SYNE2: variants seen among roughly 807,000 people sequenced by gnomAD.
The protein encoded by SYNE2 is nesprin-2.
SYNE2 carries 431 observed loss-of-function variants against 856.3 expected under a neutral mutation model. The observed-to-expected ratio is 0.50, with a 90% confidence interval of 0.47 to 0.55. The LOEUF (loss-of-function observed/expected upper bound fraction) is 0.55. Ranked by LOEUF, SYNE2 falls within the 20% of genes least tolerant of loss-of-function variation. The pLI, the probability that SYNE2 is intolerant of heterozygous loss-of-function variation, is 0.00. For synonymous variants in SYNE2, 2,923 were observed against 2,872.3 expected (o/e 1.02, Z -0.56); for missense variants, 8,129 against 8,023.2 (o/e 1.01, Z -0.50).
intron 1 of SYNE2, among the ~76,000 whole-genome samples, chr14:63,859,151 A>G (rs923794578): frequency 6.6e-6 from 1 of 152,182 alleles, no homozygotes; most frequent in African/African-American, 2.4e-5. Context: ...GCTGCTAGAT[A>G]CCCTACAGTG....
At chr14:64,005,570 G>A (rs1161505703) in intron 30 of SYNE2, among the ~76,000 whole-genome samples, 1 of 152,142 alleles carries the variant, frequency 6.6e-6, no homozygotes, top group African/African-American at 2.4e-5. Flanking sequence ...CATTAACTGA[G>A]ATGAAAAAGA....
chr14:64,181,799 G>A (rs1047333559), intron 96 of SYNE2, among the ~76,000 whole-genome samples: 9 of 152,132 alleles, frequency 5.9e-5, no homozygotes, highest in Admixed American at 3.9e-4. Context: ...TTGAGGAATG[G>A]AATAATTTCC....
intron 8 of SYNE2, among the ~76,000 whole-genome samples, chr14:63,958,931 C>G (rs545974886): frequency 6.6e-6 from 1 of 152,326 alleles, no homozygotes; most frequent in Non-Finnish European, 1.5e-5. Flanking sequence ...GGAGCTCTTT[C>G]AGTTGGCTCT....
rs753226338 is a variant in SYNE2 at position 64,022,761 on chromosome 14, G to A, written c.5535G>A (p.Lys1845=). The change falls in exon 38 of 116, where the codon AAG becomes AAA. Residue 1845 remains lysine, a synonymous_variant. Coordinates refer to ENST00000555002, the MANE Select transcript of SYNE2 (RefSeq NM_182914.3). ...HFSKLLNDQC[K]NFNDWFSNIK... ...TTTTTCCCCCTGCAGATCAATGCAAGAACTTTAATGACTGGTTCAGCAACA... is the reference window on the plus strand; with the variant it reads ...TTTTTCCCCCTGCAGATCAATGCAAAAACTTTAATGACTGGTTCAGCAACA... 6.3e-7 allele frequency: 1 copy of A among 1,588,844 alleles called. No individual in the cohort carries two copies. Among genetic ancestry groups the A allele is most frequent in the Non-Finnish European group, 8.6e-7 (1 of 1,158,280 alleles).
At chr14:64,051,463 G>A in intron 47 of SYNE2, 94 bp from the exon 48 acceptor site, 1 of 1,207,040 alleles carries the variant, frequency 8.3e-7, no homozygotes, top group Non-Finnish European at 1.1e-6. Flanking sequence ...TGTGAATTTA[G>A]AGCAGAATTA....
chr14:64,185,647 A>G (rs1017135908), intron 96 of SYNE2, among the ~76,000 whole-genome samples: 26 of 150,782 alleles, frequency 1.7e-4, no homozygotes, highest in Non-Finnish European at 3.7e-4. Context: ...CAGCCTCCCA[A>G]GTAGCTAGGA....
intron 45 of SYNE2, among the ~76,000 whole-genome samples, chr14:64,033,706 G>T (rs2097060761): frequency 6.6e-6 from 1 of 151,750 alleles, no homozygotes. Flanking sequence ...AAAAAAAAAG[G>T]TTTAAAAAAT....
At chr14:64,213,241 C>T (rs1596267686) in intron 105 of SYNE2, among the ~76,000 whole-genome samples, 1 of 152,222 alleles carries the variant, frequency 6.6e-6, no homozygotes, top group African/African-American at 2.4e-5. Flanking sequence ...GCGCATGCTC[C>T]ACGAGTCGCT....
Position 63,991,092 on chromosome 14 carries a change from G to T in SYNE2, c.2623G>T (p.Gly875Cys). The T allele has an allele frequency of 6.2e-7, 1 of 1,613,998 alleles. No individual in the cohort carries two copies. The highest frequency in any genetic ancestry group is 8.5e-7 in the Non-Finnish European group (1 of 1,179,944). ...GTTACTGGGGCAAAGAGAGAGCCCCGGTGAACTCATTTCAAAACACAAGGT... is the reference window on the plus strand; with the variant it reads ...GTTACTGGGGCAAAGAGAGAGCCCCTGTGAACTCATTTCAAAACACAAGGT... ...QQLLGQRESP[G>C]ELISKHKEAL... The change falls in exon 21 of 116, where the codon GGT becomes TGT. Residue 875 changes from glycine (G) to cysteine (C), a missense_variant. By Grantham distance (159) the Gly-to-Cys change is radical. This residue lies in a region of SYNE2 where 2,422 missense variants were observed against 2,357.4 expected (regional missense o/e 1.03). Coordinates refer to ENST00000555002, the MANE Select transcript of SYNE2 (RefSeq NM_182914.3).
At chr14:64,124,675 A>G (rs923977932) in intron 70 of SYNE2, among the ~76,000 whole-genome samples, 8 of 152,224 alleles carry the variant, frequency 5.3e-5, no homozygotes, top group Non-Finnish European at 1.0e-4. Context: ...GTGGCTCAGA[A>G]GACAGCATGC....
chr14:63,986,482 TGAA>T lies in SYNE2; in HGVS notation c.2182_2184del (p.Glu728del), dbSNP rs747091965. On this transcript the variant is annotated inframe_deletion, in exon 19 of 116. Coordinates refer to ENST00000555002, the MANE Select transcript of SYNE2 (RefSeq NM_182914.3). ...CTGGAGAGAAACATGAAAAAGAAAA[TGAA>T]GAATTCACAGGGCAACTAAAAGTGG... is the stretch of plus-strand genomic sequence containing the variant. 6.2e-7 allele frequency: 1 copy of T among 1,614,036 alleles called. No homozygotes were observed. Among genetic ancestry groups the T allele is most frequent in the Admixed American group, 1.7e-5 (1 of 60,018 alleles).
At chr14:64,182,197 C>T (rs1250223396) in intron 96 of SYNE2, among the ~76,000 whole-genome samples, 1 of 152,046 alleles carries the variant, frequency 6.6e-6, no homozygotes, top group Non-Finnish European at 1.5e-5. Flanking sequence ...TGCAACACAC[C>T]GCTTTTCGCA....
intron 10 of SYNE2, among the ~76,000 whole-genome samples, chr14:63,966,638 A>T (rs1274871186): frequency 6.7e-6 from 1 of 149,952 alleles, no homozygotes; most frequent in Non-Finnish European, 1.5e-5. Flanking sequence ...AGTTCACTGC[A>T]ACCTCTGCCT....
intron 1 of SYNE2, among the ~76,000 whole-genome samples, chr14:63,868,334 G>T (rs1321179639): frequency 2.6e-5 from 4 of 151,980 alleles, no homozygotes; most frequent in African/African-American, 9.7e-5. Flanking sequence ...AATTAGCCAG[G>T]CGTGGTGGTG....
intron 1 of SYNE2, among the ~76,000 whole-genome samples, chr14:63,774,489 A>T (rs8022586): frequency 0.48 from 70,171 of 145,426 alleles, 18,821 homozygotes; most frequent in South Asian, 0.65. Context: ...AAAAAAAAGA[A>T]AAAAAGAAAC....
In SYNE2 at chr14:64,219,421, G is replaced by A; in HGVS notation, c.19860+11G>A. The A allele has an allele frequency of 6.2e-7, 1 of 1,613,250 alleles. No homozygotes were observed. The highest frequency in any genetic ancestry group is 8.5e-7 in the Non-Finnish European group (1 of 1,179,376). On this transcript the variant is annotated intron_variant, in intron 110 of 115. Coordinates refer to ENST00000555002, the MANE Select transcript of SYNE2 (RefSeq NM_182914.3). ...GTGAAGAGACTGCAGGTGAGTTAGAGGTGTGGTGGGGAAGAGGGATTCAGA... is the reference window on the plus strand; with the variant it reads ...GTGAAGAGACTGCAGGTGAGTTAGAAGTGTGGTGGGGAAGAGGGATTCAGA...
chr14:63,814,299 A>AAGAAC (rs903286314), intron 1 of SYNE2, among the ~76,000 whole-genome samples: 7 of 150,478 alleles, frequency 4.7e-5, no homozygotes, highest in African/African-American at 1.7e-4. Flanking sequence ...CAAACAAACA[A>AAGAAC]AGAACAGAAC....
At chr14:64,144,920 C>G (rs1389665290) in intron 83 of SYNE2, among the ~76,000 whole-genome samples, 3 of 143,246 alleles carry the variant, frequency 2.1e-5, no homozygotes, top group Non-Finnish European at 4.5e-5. Flanking sequence ...AACATTGGGG[C>G]AGCTTTTTTT....
chr14:64,163,827 G>T (rs1480229972), intron 89 of SYNE2, among the ~76,000 whole-genome samples: 3 of 152,148 alleles, frequency 2.0e-5, no homozygotes, highest in African/African-American at 7.2e-5. Flanking sequence ...ACATTGTTCA[G>T]ATCTCACAGT....
Sources: gnomAD v4.1 joint callset for allele counts (sites outside exome capture counted in the v4.1 genomes callset) on GRCh38, gnomAD v4.1.1 for gene constraint, gnomAD v4.1.1 regional missense constraint, MANE v1.5 for transcripts, NCBI Gene and HGNC (gene_info 2026-07-23, HGNC 2026-07-21) for gene names.